CNIH3: variants seen among roughly 807,000 people sequenced by gnomAD.
The protein encoded by CNIH3 is protein cornichon homolog 3.
In CNIH3, 14 loss-of-function variants were observed where a neutral mutation model predicts 24.1. That is an observed-to-expected ratio of 0.58 (90% CI 0.38 to 0.91). The LOEUF is 0.91. Among genes scored for constraint, CNIH3 ranks in the 40% least tolerant of loss-of-function variants. CNIH3 has a pLI of 0.00. For missense variants in CNIH3, 178 were observed against 196.8 expected (o/e 0.90, Z 0.57); for synonymous variants, 68 against 73.8 (o/e 0.92, Z 0.40).
chr1:224,617,052 C>T lies in CNIH3; in HGVS notation c.-123C>T. 6.8e-7 allele frequency: 1 copy of T among 1,473,138 alleles called. No homozygotes were observed. Among genetic ancestry groups the T allele is most frequent in the Non-Finnish European group, 8.9e-7 (1 of 1,118,072 alleles). The allele number at this position is 1,473,138 out of a possible 1,614,324, so 91.3% of individuals were successfully genotyped here. Reference sequence around the variant, plus strand: ...GTCGCTTCGCTAGCTGTGCGCCCTCCTGGGCACTAGCCTGGAGAGGAGCGT... The same window carrying T: ...GTCGCTTCGCTAGCTGTGCGCCCTCTTGGGCACTAGCCTGGAGAGGAGCGT... On this transcript the variant is annotated 5_prime_UTR_variant, in exon 1 of 6. Coordinates refer to ENST00000272133, the MANE Select transcript of CNIH3 (RefSeq NM_152495.2).
At chr1:224,690,835 G>T (rs1686894153) in intron 3 of CNIH3, among the ~76,000 whole-genome samples, 1 of 152,194 alleles carries the variant, frequency 6.6e-6, no homozygotes, top group Non-Finnish European at 1.5e-5. Context: ...GGAAGGGGCA[G>T]GTGCTCCAGG....
chr1:224,655,906 C>T (rs1048750122), intron 1 of CNIH3, among the ~76,000 whole-genome samples: 3 of 152,134 alleles, frequency 2.0e-5, no homozygotes, highest in African/African-American at 7.2e-5. Context: ...GGTTGTGGGA[C>T]TGGGGTCTCA....
chr1:224,547,552 T>G (rs921939546), intron 3 of CNIH3, among the ~76,000 whole-genome samples: 1 of 152,044 alleles, frequency 6.6e-6, no homozygotes, highest in Non-Finnish European at 1.5e-5. Context: ...ACACCCTGTG[T>G]GTACACCCCC....
intron 2 of CNIH3, among the ~76,000 whole-genome samples, chr1:224,527,434 G>A (rs1195135916): frequency 6.6e-6 from 1 of 152,186 alleles, no homozygotes; most frequent in Non-Finnish European, 1.5e-5. Flanking sequence ...CAGTGAAACG[G>A]CTGTTGAATA....
At chr1:224,560,449 G>T (rs1432462153) in intron 3 of CNIH3, among the ~76,000 whole-genome samples, 3 of 152,038 alleles carry the variant, frequency 2.0e-5, no homozygotes, top group Admixed American at 6.6e-5. Flanking sequence ...TTAGGAACCG[G>T]GCCCCACAGC....
At chr1:224,471,897 C>CT (rs902509230) in intron 1 of CNIH3, among the ~76,000 whole-genome samples, 8 of 151,922 alleles carry the variant, frequency 5.3e-5, no homozygotes, top group South Asian at 2.1e-4. Context: ...GCCTCTCATT[C>CT]TTTTTTTTAT....
At chr1:224,528,360 G>A (rs1678926665) in intron 2 of CNIH3, among the ~76,000 whole-genome samples, 1 of 152,012 alleles carries the variant, frequency 6.6e-6, no homozygotes, top group African/African-American at 2.4e-5. Context: ...TTATTATATT[G>A]TACAGGTTGG....
intron 1 of CNIH3, among the ~76,000 whole-genome samples, chr1:224,468,251 A>C (rs1451839837): frequency 6.6e-6 from 1 of 152,226 alleles, no homozygotes; most frequent in African/African-American, 2.4e-5. Flanking sequence ...TTGGATAGGA[A>C]TTATGTAAAT....
At chr1:224,583,564 A>G (rs959700031) in intron 5 of CNIH3, among the ~76,000 whole-genome samples, 3 of 152,208 alleles carry the variant, frequency 2.0e-5, no homozygotes, top group Non-Finnish European at 4.4e-5. Context: ...ATGGTAAGCT[A>G]TGGTGGAGGG....
rs1417305502 is a variant in CNIH3 at position 224,704,526 on chromosome 1, A to G, written c.198+19683A>G. Among the ~76,000 whole-genome samples the G allele has an allele frequency of 6.6e-6, 1 of 152,192 alleles. No individual in the cohort carries two copies. The highest frequency in any genetic ancestry group is 1.5e-5 in the Non-Finnish European group (1 of 68,036). The stretch of plus-strand genomic sequence containing the variant: ...AGAGCAGCACAATGAACACCCACGT[A>G]GCCTTCACCAAGATCCGCCGCTTAT... On this transcript the variant is annotated intron_variant, in intron 3 of 5. Coordinates refer to ENST00000272133, the MANE Select transcript of CNIH3 (RefSeq NM_152495.2). The surrounding 1 kb of genome is among the most constrained non-coding windows in gnomAD (Gnocchi z 4.2).
At chr1:224,607,494 G>C (rs939144646) in intron 3 of CNIH3, among the ~76,000 whole-genome samples, 1 of 152,198 alleles carries the variant, frequency 6.6e-6, no homozygotes, top group African/African-American at 2.4e-5. Flanking sequence ...TCATTTGAAA[G>C]GAGAGGTGGG....
chr1:224,647,065 C>T (rs1288050620), intron 1 of CNIH3, among the ~76,000 whole-genome samples: 2 of 152,160 alleles, frequency 1.3e-5, no homozygotes, highest in Non-Finnish European at 2.9e-5. Flanking sequence ...CGGCTCGCTG[C>T]AACCTCCACC....
chr1:224,661,631 A>G (rs1408785025), intron 1 of CNIH3: 1 of 314,720 alleles, frequency 3.2e-6, no homozygotes, highest in South Asian at 3.6e-5. Context: ...ACAAACTCAA[A>G]TGATTGTCAA....
chr1:224,563,189 G>C (rs942303714), intron 3 of CNIH3, among the ~76,000 whole-genome samples: 3 of 152,116 alleles, frequency 2.0e-5, no homozygotes, highest in African/African-American at 7.2e-5. Flanking sequence ...CATGCTTCTT[G>C]TACAGGCTGC....
intron 1 of CNIH3, among the ~76,000 whole-genome samples, chr1:224,671,827 T>C (rs1685881365): frequency 6.6e-6 from 1 of 152,158 alleles, no homozygotes; most frequent in African/African-American, 2.4e-5. Flanking sequence ...AGGTGGGTGG[T>C]ACCCATGTAG....
intron 5 of CNIH3, among the ~76,000 whole-genome samples, chr1:224,586,059 C>T (rs1034521979): frequency 2.0e-5 from 3 of 152,178 alleles, no homozygotes; most frequent in Non-Finnish European, 4.4e-5. Context: ...GACTTCCTTC[C>T]CCTAGTACTG....
chr1:224,676,812 T>A (rs998389129), intron 1 of CNIH3, among the ~76,000 whole-genome samples: 1 of 152,248 alleles, frequency 6.6e-6, no homozygotes, highest in Non-Finnish European at 1.5e-5. Flanking sequence ...GGCCCGTGGC[T>A]TCTATCCTCA....
intron 1 of CNIH3, among the ~76,000 whole-genome samples, chr1:224,506,213 G>A (rs1298583086): frequency 6.6e-6 from 1 of 152,138 alleles, no homozygotes; most frequent in East Asian, 1.9e-4. Context: ...AAGTGCTGTT[G>A]GTGTGTCACC....
intron 1 of CNIH3, among the ~76,000 whole-genome samples, chr1:224,500,179 A>ATTT (rs532888387): frequency 6.9e-6 from 1 of 145,428 alleles, no homozygotes; most frequent in African/African-American, 2.5e-5. Flanking sequence ...AATTAAAACA[A>ATTT]TTTTTTTTTT....
Sources: gnomAD v4.1 joint callset for allele counts (sites outside exome capture counted in the v4.1 genomes callset) on GRCh38, gnomAD v4.1.1 for gene constraint, Gnocchi (gnomAD v3.1) non-coding constraint, MANE v1.5 for transcripts, NCBI Gene and HGNC (gene_info 2026-07-23, HGNC 2026-07-21) for gene names.